NCAM2: variants seen among roughly 807,000 people sequenced by gnomAD.
The protein encoded by NCAM2 is neural cell adhesion molecule 2, also known as N-CAM-2.
Under a neutral mutation model 98.1 loss-of-function variants are expected in NCAM2, and 30 were observed. That is an observed-to-expected ratio of 0.31 (90% CI 0.23 to 0.41). NCAM2 has a LOEUF of 0.41. NCAM2 is among the 10% of genes least tolerant of loss of function. The pLI is 1.00. For synonymous variants in NCAM2, 368 were observed against 342.4 expected (o/e 1.07, Z -0.83); for missense variants, 867 against 1,005.8 (o/e 0.86, Z 1.87).
At chr21:21,016,597 A>G (rs2064314307) in intron 1 of NCAM2, among the ~76,000 whole-genome samples, 1 of 152,136 alleles carries the variant, frequency 6.6e-6, no homozygotes. Flanking sequence ...TGCATTGTGC[A>G]TAGTTTTACT....
chr21:21,274,840 C>G (rs2072663728), intron 1 of NCAM2, among the ~76,000 whole-genome samples: 1 of 152,172 alleles, frequency 6.6e-6, no homozygotes, highest in Admixed American at 6.5e-5. Flanking sequence ...AAAGCAGGCT[C>G]TGTGTCAGAC....
chr21:21,238,289 G>T (rs957099828), intron 1 of NCAM2, among the ~76,000 whole-genome samples: 13 of 151,850 alleles, frequency 8.6e-5, no homozygotes, highest in African/African-American at 3.1e-4. Context: ...TTTGCCTTAA[G>T]AACTGATTAT....
At chr21:21,334,341 A>C (rs1407588030) in intron 6 of NCAM2, among the ~76,000 whole-genome samples, 1 of 152,196 alleles carries the variant, frequency 6.6e-6, no homozygotes, top group Non-Finnish European at 1.5e-5. Context: ...TGGAACAATA[A>C]ATTCTATTGA....
chr21:21,496,995 T>C (rs1987286490), intron 15 of NCAM2, among the ~76,000 whole-genome samples: 1 of 151,948 alleles, frequency 6.6e-6, no homozygotes, highest in African/African-American at 2.4e-5. Context: ...ATAAAGAAAA[T>C]GTGGCACATC....
At chr21:21,194,370 A>G (rs369309831) in intron 1 of NCAM2, among the ~76,000 whole-genome samples, 16 of 152,192 alleles carry the variant, frequency 1.1e-4, no homozygotes, top group Non-Finnish European at 2.2e-4. Context: ...AGAGTTGCTG[A>G]GTTATTATTA....
At position 21,299,586 on chromosome 21, in the gene NCAM2, CT is replaced by C. The variant is rs1466268130; in HGVS notation, c.619+7347del. Among the ~76,000 whole-genome samples, 4 of 151,146 alleles carry C rather than the reference CT, an allele frequency of 2.6e-5. No individual in the cohort carries two copies. The East Asian group carries it at 7.8e-4, about 30-fold the overall frequency. On this transcript the variant is annotated intron_variant, in intron 5 of 17. Transcript: ENST00000400546. ...TTCTCTCTCTCTCTCTCTTTCTCTC[CT>C]TCCCTCCTTCCCTCCCTCCCTCCCT...
At chr21:21,175,864 C>A (rs1172039951) in intron 1 of NCAM2, among the ~76,000 whole-genome samples, 1 of 152,154 alleles carries the variant, frequency 6.6e-6, no homozygotes, top group Admixed American at 6.6e-5. Context: ...AAATGAATAA[C>A]CTAACATTTC....
At chr21:21,105,545 T>A (rs1477819691) in intron 1 of NCAM2, among the ~76,000 whole-genome samples, 2 of 151,810 alleles carry the variant, frequency 1.3e-5, no homozygotes, top group Non-Finnish European at 2.9e-5. Context: ...ACAAGAAAAA[T>A]ACAAGGCAAG....
intron 1 of NCAM2, among the ~76,000 whole-genome samples, chr21:21,131,281 G>GC (rs1555888574): frequency 1.3e-5 from 2 of 149,068 alleles, no homozygotes; most frequent in Non-Finnish European, 3.0e-5. Context: ...AATTTTTCTG[G>GC]GGGGGGGCTT....
chr21:21,340,098 A>G (rs1300633521), intron 8 of NCAM2, among the ~76,000 whole-genome samples: 2 of 151,900 alleles, frequency 1.3e-5, no homozygotes, highest in African/African-American at 2.4e-5. Context: ...AAAAAAATAC[A>G]ATCGTATCTG....
intron 1 of NCAM2, among the ~76,000 whole-genome samples, chr21:21,039,151 A>G (rs943821215): frequency 2.0e-5 from 3 of 152,096 alleles, no homozygotes; most frequent in Admixed American, 2.0e-4. Context: ...TCTTCTAACT[A>G]TATGTTTGCA....
At chr21:21,026,557 G>A (rs1355267169) in intron 1 of NCAM2, among the ~76,000 whole-genome samples, 2 of 151,940 alleles carry the variant, frequency 1.3e-5, no homozygotes, top group African/African-American at 2.4e-5. Flanking sequence ...CTCAGGAGGC[G>A]GAGGTTGCAG....
chr21:21,457,755 A>G (rs1174543871), intron 12 of NCAM2, among the ~76,000 whole-genome samples: 1 of 152,188 alleles, frequency 6.6e-6, no homozygotes, highest in East Asian at 1.9e-4. Context: ...AAATTTCTCA[A>G]CAAAGTGTTG....
chr21:21,038,587 G>C (rs909147124), intron 1 of NCAM2, among the ~76,000 whole-genome samples: 1 of 152,118 alleles, frequency 6.6e-6, no homozygotes, highest in East Asian at 1.9e-4. Context: ...ACTTTTCCTT[G>C]CTGCTGCCAA....
intron 12 of NCAM2, among the ~76,000 whole-genome samples, chr21:21,460,347 G>T (rs968247807): frequency 1.3e-5 from 2 of 151,888 alleles, no homozygotes; most frequent in African/African-American, 2.4e-5. Flanking sequence ...ATGCTTAGTG[G>T]CTAGTTCATC....
intron 1 of NCAM2, among the ~76,000 whole-genome samples, chr21:21,129,713 CAT>C (rs1378520106): frequency 1.3e-5 from 2 of 152,110 alleles, no homozygotes; most frequent in Admixed American, 6.6e-5. Context: ...TTAATACTAT[CAT>C]GTGGGGGATT....
intron 1 of NCAM2, among the ~76,000 whole-genome samples, chr21:21,191,837 G>C (rs933405687): frequency 6.6e-6 from 1 of 152,158 alleles, no homozygotes; most frequent in Non-Finnish European, 1.5e-5. Context: ...GCAACCTAGT[G>C]GGGGATGAAC....
In NCAM2 at chr21:21,328,563, T is replaced by TG. The variant is rs1306781510; in HGVS notation, c.737+4068dup. On this transcript the variant is annotated intron_variant, in intron 6 of 17. Transcript: ENST00000400546. ...CTGACCCTGAGTCGGCCGAGGCTAATGGGGGTATCTTCCTTTAAAAAAAAA... is the reference window on the plus strand; with the variant it reads ...CTGACCCTGAGTCGGCCGAGGCTAATGGGGGGTATCTTCCTTTAAAAAAAAA... Among the ~76,000 whole-genome samples the TG allele has an allele frequency of 6.8e-4, 100 of 147,944 alleles. 1 individual carries two copies. Among genetic ancestry groups the TG allele is most frequent in the Non-Finnish European group, 1.5e-4 (10 of 66,676 alleles).
chr21:21,225,285 A>G (rs1354426412), intron 1 of NCAM2, among the ~76,000 whole-genome samples: 1 of 152,082 alleles, frequency 6.6e-6, no homozygotes, highest in Non-Finnish European at 1.5e-5. Flanking sequence ...ATTAGGAAAG[A>G]TAGCTAATAC....
Sources: allele counts gnomAD v4.1 joint callset (sites outside exome capture counted in the v4.1 genomes callset), GRCh38; gene constraint gnomAD v4.1.1; transcripts MANE v1.5; gene names NCBI Gene and HGNC (gene_info 2026-07-23, HGNC 2026-07-21).